Variants in SYCP2L observed in about 807,000 individuals in gnomAD.
SYCP2L encodes synaptonemal complex protein 2 like.
Under a neutral mutation model 125.8 loss-of-function variants are expected in SYCP2L, and 98 were observed. The ratio of observed to expected loss-of-function variants is 0.78; its 90% CI spans 0.66 to 0.92. SYCP2L has a LOEUF of 0.92. Ranked by LOEUF, SYCP2L falls within the 40% of genes least tolerant of loss-of-function variation. SYCP2L has a pLI of 0.00. For synonymous variants in SYCP2L, 317 were observed against 325.4 expected (o/e 0.97, Z 0.28); for missense variants, 842 against 936.4 (o/e 0.90, Z 1.32).
At chr6:10,914,341 C>A (rs1780654285) in intron 14 of SYCP2L, among the ~76,000 whole-genome samples, 1 of 152,130 alleles carries the variant, frequency 6.6e-6, no homozygotes, top group African/African-American at 2.4e-5. Context: ...TCTGGGTTCT[C>A]TATTCTGTTC....
chr6:10,897,951 A>G, intron 4 of SYCP2L, 60 bp from the exon 5 acceptor site: 2 of 1,080,022 alleles, frequency 1.9e-6, no homozygotes, highest in South Asian at 2.6e-5. Context: ...TGTCTTGTGC[A>G]ATTTTATTGA....
At chr6:10,955,869 C>T (rs367742846) in intron 24 of SYCP2L, among the ~76,000 whole-genome samples, 1 of 152,312 alleles carries the variant, frequency 6.6e-6, no homozygotes, top group Admixed American at 6.5e-5. Flanking sequence ...GAGAAATACC[C>T]TAGCTATATG....
At chr6:10,909,356 A>T (rs1183110471) in intron 10 of SYCP2L, among the ~76,000 whole-genome samples, 2 of 151,812 alleles carry the variant, frequency 1.3e-5, no homozygotes, top group African/African-American at 2.4e-5. Flanking sequence ...TCCAATTCCC[A>T]ACCTCAGGTG....
At chr6:10,961,660 A>G in intron 28 of SYCP2L, 102 bp downstream of exon 28, 4 of 1,166,358 alleles carry the variant, frequency 3.4e-6, no homozygotes, top group Non-Finnish European at 5.1e-6. Context: ...TCCCATAACT[A>G]ATGAAATAGC....
intron 18 of SYCP2L, among the ~76,000 whole-genome samples, chr6:10,928,802 C>T (rs534052912): frequency 6.6e-6 from 1 of 152,244 alleles, no homozygotes; most frequent in East Asian, 1.9e-4. Context: ...CTTCCCAAAT[C>T]TCTGGGATTA....
chr6:10,915,991 TCTCACTG>T (rs776875741), intron 14 of SYCP2L, among the ~76,000 whole-genome samples: 12 of 152,334 alleles, frequency 7.9e-5, no homozygotes, highest in Non-Finnish European at 7.3e-5. Context: ...ACAATTTCAA[TCTCACTG>T]CTTGTTATTG....
At chr6:10,891,649 G>GTA in intron 2 of SYCP2L, 68 bp downstream of exon 2, 11 of 813,340 alleles carry the variant, frequency 1.4e-5, no homozygotes, top group Admixed American at 4.7e-5. Context: ...GTGTGTGTGT[G>GTA]TGTGTGTGTG....
chr6:10,930,403 A>G lies in SYCP2L; in HGVS notation c.1522A>G (p.Ser508Gly), dbSNP rs368613008. The change falls in exon 19 of 30, where the codon AGT (serine) becomes GGT (glycine). Residue 508 changes from serine (S) to glycine (G), a missense_variant. By Grantham distance (56) the Ser-to-Gly change is moderately conservative. Transcript: ENST00000283141. ...TTACAGAAAACATCTCTTCTCTGAG[A>G]GTAATCAAGATTCAAGTACCAGTGA... Reference protein sequence around the residue: ...SHYRKHLFSESNQDSSTSELS... With the variant: ...SHYRKHLFSEGNQDSSTSELS... 6 of 1,613,466 alleles carry G rather than the reference A, an allele frequency of 3.7e-6. No homozygotes were observed. In the African/African-American group the frequency reaches 8.0e-5, roughly 22 times the overall value.
intron 19 of SYCP2L, 103 bp downstream of exon 19, chr6:10,930,617 T>A: frequency 7.5e-7 from 1 of 1,325,008 alleles, no homozygotes; most frequent in Non-Finnish European, 1.0e-6. Flanking sequence ...AAGAAATATA[T>A]GATTATGGGG....
In SYCP2L at chr6:10,931,467, G is replaced by A. The variant is rs1780994974; in HGVS notation, c.1661G>A (p.Gly554Asp). The change falls in exon 20 of 30, where the codon GGC becomes GAC. Residue 554 changes from glycine to aspartate, a missense_variant. Gly to Asp is a moderately conservative substitution (Grantham distance 94). Coordinates refer to ENST00000283141, the MANE Select transcript of SYCP2L (RefSeq NM_001040274.3). ...TTGCCAGTTTTCCCTCCCAGTAGTG[G>A]CAGTGGCCATGAGAAAGACCAAGTA... is the stretch of plus-strand genomic sequence containing the variant. Reference protein sequence around the residue: ...RILPVFPPSSGSGHEKDQAKL... With the variant: ...RILPVFPPSSDSGHEKDQAKL... The A allele has an allele frequency of 6.2e-7, 1 of 1,613,968 alleles. No homozygotes were observed. Among genetic ancestry groups the A allele is most frequent in the Admixed American group, 1.7e-5 (1 of 59,996 alleles).
chr6:10,928,047 C>T (rs1695000943), intron 17 of SYCP2L, among the ~76,000 whole-genome samples: 1 of 152,120 alleles, frequency 6.6e-6, no homozygotes, highest in Admixed American at 6.5e-5. Context: ...TTGCTGTTAT[C>T]CTGTTCTTTT....
chr6:10,898,631 A>T (rs1196537553), intron 5 of SYCP2L, among the ~76,000 whole-genome samples, 193 bp from the exon 6 acceptor site: 1 of 152,228 alleles, frequency 6.6e-6, no homozygotes, highest in Non-Finnish European at 1.5e-5. Flanking sequence ...CAAATATATT[A>T]GTCACCTGAT....
chr6:10,926,133 A>G (rs574137705), intron 15 of SYCP2L, among the ~76,000 whole-genome samples: 1 of 152,180 alleles, frequency 6.6e-6, no homozygotes, highest in South Asian at 2.1e-4. Context: ...GAGCAGGGGA[A>G]TGGCTAGCCC....
Position 10,912,318 on chromosome 6 carries a change from A to G in SYCP2L, c.919-355A>G, listed in dbSNP as rs562621400. ...GTTTGGTTACAGTATCTCCTTCTCC[A>G]GAAGTTTCCATCCATATGCAGTGTG... is the stretch of plus-strand genomic sequence containing the variant. On this transcript the variant is annotated intron_variant, in intron 12 of 29. Transcript: ENST00000283141. The surrounding 1 kb of genome is among the most constrained non-coding windows in gnomAD (Gnocchi z 4.1). 9.8e-5 allele frequency among the ~76,000 whole-genome samples: 15 copies of G among 152,352 alleles called. No individual in the cohort carries two copies. In the East Asian group the frequency reaches 2.3e-3, roughly 23 times the overall value.
intron 12 of SYCP2L, among the ~76,000 whole-genome samples, chr6:10,911,655 G>T (rs1200121205): frequency 1.3e-5 from 2 of 151,952 alleles, no homozygotes; most frequent in African/African-American, 2.4e-5. Flanking sequence ...TCTCTGTTTG[G>T]TTTTTCTTCT....
intron 29 of SYCP2L, among the ~76,000 whole-genome samples, chr6:10,972,647 T>TA (rs1450447550): frequency 6.6e-6 from 1 of 152,212 alleles, no homozygotes; most frequent in African/African-American, 2.4e-5. Flanking sequence ...TGAGTAAAAC[T>TA]AAAAGGTAAA....
chr6:10,905,740 C>A (rs9393763), intron 8 of SYCP2L, among the ~76,000 whole-genome samples: 1 of 152,134 alleles, frequency 6.6e-6, no homozygotes, highest in South Asian at 2.1e-4. Context: ...CTGATGAACC[C>A]TTAGAGATCA....
At chr6:10,933,193 C>T (rs868680555) in intron 20 of SYCP2L, among the ~76,000 whole-genome samples, 53 of 152,336 alleles carry the variant, frequency 3.5e-4, no homozygotes, top group Middle Eastern at 6.8e-3. Flanking sequence ...TAATTTACAG[C>T]AGAGGTCAGG....
At chr6:10,951,649 T>A (rs1781412647) in intron 23 of SYCP2L, among the ~76,000 whole-genome samples, 1 of 152,206 alleles carries the variant, frequency 6.6e-6, no homozygotes, top group South Asian at 2.1e-4. Context: ...TTAATAAACA[T>A]CGGTAAACAA....
Sources: gnomAD v4.1 joint callset for allele counts (sites outside exome capture counted in the v4.1 genomes callset) on GRCh38, gnomAD v4.1.1 for gene constraint, Gnocchi (gnomAD v3.1) non-coding constraint, MANE v1.5 for transcripts, NCBI Gene and HGNC (gene_info 2026-07-23, HGNC 2026-07-21) for gene names.